Variants in FHOD1 observed in about 807,000 individuals in gnomAD.
FHOD1 encodes FH1/FH2 domain-containing protein 1.
A neutral mutation model predicts 111.6 loss-of-function variants in FHOD1; 89 were observed. That is an observed-to-expected ratio of 0.80 (90% confidence interval 0.67 to 0.95). The LOEUF (loss-of-function observed/expected upper bound fraction) is 0.95. Ranked by LOEUF, FHOD1 falls within the 40% of genes least tolerant of loss-of-function variation. The pLI is 0.00. For missense variants in FHOD1, 1,446 were observed against 1,554.2 expected, an observed-to-expected ratio of 0.93 and a Z score of 1.17; for synonymous variants, 618 against 639.0, an observed-to-expected ratio of 0.97 and a Z score of 0.50.
At chr16:67,246,538 C>T (rs1181098554) in intron 1 of FHOD1, among the ~76,000 whole-genome samples, 1 of 152,126 alleles carries the variant, frequency 6.6e-6, no homozygotes, top group Non-Finnish European at 1.5e-5. Context: ...CCCTCCCTCT[C>T]ACTTTCAGGC....
rs1047612437 is a variant in FHOD1 at position 67,229,500 on chromosome 16, A to G, written c.*136T>C. ...TACACACACACTCACATGCATACAC[A>G]CACGGCTAATACTGCTCAAGGCATG... On this transcript the variant is annotated 3_prime_UTR_variant, in exon 22 of 22. Coordinates refer to ENST00000258201, the MANE Select transcript of FHOD1 (RefSeq NM_013241.3). 4.0e-6 allele frequency: 3 copies of G among 753,030 alleles called. No individual in the cohort carries two copies. The African/African-American group carries it at 5.2e-5, about 13-fold the overall frequency. 46.6% of individuals were successfully genotyped at this position (753,030 alleles called of 1,614,324 possible). A position where few individuals can be genotyped will look rare whatever the true frequency, so the allele number is the denominator to read the frequency against.
At position 67,247,362 on chromosome 16, in the gene FHOD1, T is replaced by C. The variant is rs768513270; in HGVS notation, c.49A>G (p.Thr17Ala). Reference sequence around the variant, plus strand: ...TCTTCCAGGTACTGCACCCTCACGGTCACCACTGATACCGGCTCTCCGTCC... The same window carrying C: ...TCTTCCAGGTACTGCACCCTCACGGCCACCACTGATACCGGCTCTCCGTCC... Reference protein sequence around the residue: ...RGDGEPVSVVTVRVQYLEDTD... With the variant: ...RGDGEPVSVVAVRVQYLEDTD... The change falls in exon 1 of 22, where the codon ACC becomes GCC. Residue 17 changes from threonine (T) to alanine (A), a missense_variant. This residue lies in a region of FHOD1 where 127 missense variants were observed against 118.0 expected (regional missense o/e 1.08). Coordinates refer to ENST00000258201, the MANE Select transcript of FHOD1 (RefSeq NM_013241.3). 2 of 1,613,538 alleles carry C rather than the reference T, an allele frequency of 1.2e-6. No individual in the cohort carries two copies. The highest frequency in any genetic ancestry group is 2.2e-5 in the East Asian group (1 of 44,852).
In FHOD1 at chr16:67,241,745, C is replaced by A. The variant is rs758902390; in HGVS notation, c.202-2291G>T. On this transcript the variant is annotated intron_variant, in intron 1 of 21. Transcript: ENST00000258201. ...AGGGGCAGAGTGCTATAAAGATAAA[C>A]GGGAAGGGAAAACATGTTACACCTG... is the stretch of plus-strand genomic sequence containing the variant. Among the ~76,000 whole-genome samples the A allele has an allele frequency of 2.6e-5, 4 of 152,268 alleles. 1 individual carries two copies. The highest frequency in any genetic ancestry group is 2.6e-4 in the Admixed American group (4 of 15,292).
chr16:67,235,529 CA>C (rs539631946), intron 11 of FHOD1, among the ~76,000 whole-genome samples: 81 of 71,622 alleles, frequency 1.1e-3, no homozygotes, highest in Admixed American at 1.8e-3. Context: ...GACTCTGTCT[CA>C]AAAAAAAAAA....
chr16:67,240,929 G>A (rs1426715777), intron 1 of FHOD1, among the ~76,000 whole-genome samples: 2 of 152,178 alleles, frequency 1.3e-5, no homozygotes, highest in African/African-American at 4.8e-5. Context: ...CATTTGTCCT[G>A]CTGTTTGGTC....
rs1424443555 is a variant in FHOD1 at position 67,231,891 on chromosome 16, C to T, written c.2203-72G>A. On this transcript the variant is annotated intron_variant, in intron 14 of 21. Transcript: ENST00000258201. The surrounding 1 kb of genome is among the most constrained non-coding windows in gnomAD (Gnocchi z 4.3). Reference sequence around the variant, plus strand: ...GAGGCCTGAGGCATTGGTCTTGACCCCTCAGTCATCTAGGGGAGGCCCCAG... The same window carrying T: ...GAGGCCTGAGGCATTGGTCTTGACCTCTCAGTCATCTAGGGGAGGCCCCAG... 1.9e-6 allele frequency: 3 copies of T among 1,555,066 alleles called. No individual in the cohort carries two copies. The highest frequency in any genetic ancestry group is 1.4e-5 in the African/African-American group (1 of 73,294).
chr16:67,246,314 T>C (rs1353809191), intron 1 of FHOD1, among the ~76,000 whole-genome samples: 1 of 152,004 alleles, frequency 6.6e-6, no homozygotes, highest in Non-Finnish European at 1.5e-5. Context: ...GCCGGGCTGG[T>C]GGGGAGCTTG....
rs2034577277 is a variant in FHOD1 at position 67,238,526 on chromosome 16, C to T, written c.374-79G>A. 2.3e-6 allele frequency: 3 copies of T among 1,302,508 alleles called. No homozygotes were observed. The highest frequency in any genetic ancestry group is 3.3e-6 in the Non-Finnish European group (3 of 915,366). The allele number at this position is 1,302,508 out of a possible 1,614,324, so 80.7% of individuals were successfully genotyped here. A position where few individuals can be genotyped will look rare whatever the true frequency, so the allele number is the denominator to read the frequency against. On this transcript the variant is annotated intron_variant, in intron 3 of 21. Coordinates refer to ENST00000258201, the MANE Select transcript of FHOD1 (RefSeq NM_013241.3). This position sits in a 1 kb window ranked among gnomAD's most constrained non-coding sequence, Gnocchi z 4.2. ...CTGCTTGGATACAACCACAACTCTC[C>T]ACCAAAGAATAGTCTAATATATATG...
rs2034482709 is a variant in FHOD1 at position 67,236,547 on chromosome 16, C to T, written c.1319+10G>A. ...GAGGACTCCAGGGTGGCCTCTGTCTCCCTACTTACTTGTAGATGCTCCTCT... is the reference window on the plus strand; with the variant it reads ...GAGGACTCCAGGGTGGCCTCTGTCTTCCTACTTACTTGTAGATGCTCCTCT... On this transcript the variant is annotated intron_variant, in intron 11 of 21. Coordinates refer to ENST00000258201, the MANE Select transcript of FHOD1 (RefSeq NM_013241.3). 6.2e-7 allele frequency: 1 copy of T among 1,610,864 alleles called. No homozygotes were observed. Among genetic ancestry groups the T allele is most frequent in the Non-Finnish European group, 8.5e-7 (1 of 1,178,646 alleles).
At position 67,238,434 on chromosome 16, in the gene FHOD1, G is replaced by A; in HGVS notation, c.387C>T (p.Ser129=). 6.2e-7 allele frequency: 1 copy of A among 1,613,922 alleles called. No homozygotes were observed. Among genetic ancestry groups the A allele is most frequent in the Non-Finnish European group, 8.5e-7 (1 of 1,179,920 alleles). The part of the protein sequence containing the change: ...RVNAILEKLY[S]SSGPELRRSL... ...AGCGGCGGAGCTCAGGACCACTGGAGCTATACAGCTTTTCTGCAAAAGGTA... is the reference window on the plus strand; with the variant it reads ...AGCGGCGGAGCTCAGGACCACTGGAACTATACAGCTTTTCTGCAAAAGGTA... The change falls in exon 4 of 22, where the codon AGC becomes AGT. Residue 129 remains serine (S), a synonymous_variant. Coordinates refer to ENST00000258201, the MANE Select transcript of FHOD1 (RefSeq NM_013241.3). This position sits in a 1 kb window ranked among gnomAD's most constrained non-coding sequence, Gnocchi z 4.2.
chr16:67,237,021 T>C lies in FHOD1; in HGVS notation c.1087A>G (p.Arg363Gly), dbSNP rs1355976618. The stretch of plus-strand genomic sequence containing the variant: ...CCGCCTTCCAGAGAACGGCGGCTCC[T>C]CTTGCCCTCCTCAGAAGAAGGCTTT... ...RRKPSSEEGK[R>G]SRRSLEGGGC... The change falls in exon 10 of 22, where the codon AGG (arginine) becomes GGG (glycine). Residue 363 changes from arginine to glycine, a missense_variant. Transcript: ENST00000258201. This position sits in a 1 kb window ranked among gnomAD's most constrained non-coding sequence, Gnocchi z 5.6. 1 of 1,612,668 alleles carries C rather than the reference T, an allele frequency of 6.2e-7. No individual in the cohort carries two copies. Among genetic ancestry groups the C allele is most frequent in the Non-Finnish European group, 8.5e-7 (1 of 1,179,552 alleles).
intron 1 of FHOD1, among the ~76,000 whole-genome samples, chr16:67,240,591 C>T (rs1415444496): frequency 1.3e-5 from 2 of 152,222 alleles, no homozygotes; most frequent in South Asian, 4.1e-4. Context: ...ACCCCAAAGC[C>T]TGCCTTTGTA....
intron 11 of FHOD1, 94 bp from the exon 12 acceptor site, chr16:67,234,566 G>T: frequency 9.5e-7 from 1 of 1,051,370 alleles, no homozygotes; most frequent in Non-Finnish European, 1.4e-6. Context: ...CCCAATTGCA[G>T]GCACGCACAG....
Position 67,237,620 on chromosome 16 carries a change from C to A in FHOD1, c.754+37G>T, listed in dbSNP as rs373646838. On this transcript the variant is annotated intron_variant, in intron 7 of 21. Transcript: ENST00000258201. This position sits in a 1 kb window ranked among gnomAD's most constrained non-coding sequence, Gnocchi z 5.6. ...ATGGGGGAACAGGTAGGAGAGAGGGCTCTGAGCGGTGGGGGGAGAAAGGGA... is the reference window on the plus strand; with the variant it reads ...ATGGGGGAACAGGTAGGAGAGAGGGATCTGAGCGGTGGGGGGAGAAAGGGA... The A allele has an allele frequency of 9.9e-5, 160 of 1,613,296 alleles. No individual in the cohort carries two copies. The African/African-American group carries it at 1.7e-3, about 17-fold the overall frequency.
In FHOD1 at chr16:67,234,348, C is replaced by T. The variant is rs1272152051; in HGVS notation, c.1435+9G>A. The stretch of plus-strand genomic sequence containing the variant: ...CAGGCAGGCTCTGCCTGCTCACCCA[C>T]CTACTCACCTGGGTGTCCACCCGCC... On this transcript the variant is annotated intron_variant, in intron 12 of 21. Transcript: ENST00000258201. The T allele has an allele frequency of 6.2e-7, 1 of 1,609,016 alleles. No individual in the cohort carries two copies. The highest frequency in any genetic ancestry group is 8.5e-7 in the Non-Finnish European group (1 of 1,178,380).
In FHOD1 at chr16:67,230,696, C is replaced by A; in HGVS notation, c.2763G>T (p.Leu921=). ...ESLRSLAKHE[L]APALRARLTH... ...TGAGGCGGGCACGCAGGGCTGGGGCCAGCTCATGCTTGGCCAAGCTCCGCA... is the reference window on the plus strand; with the variant it reads ...TGAGGCGGGCACGCAGGGCTGGGGCAAGCTCATGCTTGGCCAAGCTCCGCA... The change falls in exon 18 of 22, where the codon CTG becomes CTT. Residue 921 remains leucine, a synonymous_variant. Transcript: ENST00000258201. 6.2e-7 allele frequency: 1 copy of A among 1,613,926 alleles called. No individual in the cohort carries two copies. Among genetic ancestry groups the A allele is most frequent in the Non-Finnish European group, 8.5e-7 (1 of 1,179,988 alleles).
chr16:67,234,435 C>CT lies in FHOD1; in HGVS notation c.1356dup (p.Glu453ArgfsTer21). On this transcript the variant is annotated frameshift_variant, in exon 12 of 22. Transcript: ENST00000258201. LOFTEE classifies it high-confidence loss of function. ...CCCTGGGCCAGCGCAACCTGCTTCTCTGTTTCTGCTGCCGCCACATTCTCC... is the reference window on the plus strand; with the variant it reads ...CCCTGGGCCAGCGCAACCTGCTTCTCTTGTTTCTGCTGCCGCCACATTCTCC... 1 of 1,606,404 alleles carries CT rather than the reference C, an allele frequency of 6.2e-7. No homozygotes were observed. Among genetic ancestry groups the CT allele is most frequent in the South Asian group, 1.1e-5 (1 of 90,476 alleles).
intron 1 of FHOD1, among the ~76,000 whole-genome samples, chr16:67,245,661 C>A (rs1431974850): frequency 3.9e-5 from 6 of 151,938 alleles, no homozygotes; most frequent in African/African-American, 1.2e-4. Context: ...ACGAGAATTG[C>A]TAGAACCCGG....
At chr16:67,239,739 C>T (rs1043338809) in intron 1 of FHOD1, among the ~76,000 whole-genome samples, 2 of 152,208 alleles carry the variant, frequency 1.3e-5, no homozygotes, top group African/African-American at 4.8e-5. Context: ...TGTGTGTATG[C>T]TCCCTTTCGA....
Sources: gnomAD v4.1 joint callset for allele counts (sites outside exome capture counted in the v4.1 genomes callset) on GRCh38, gnomAD v4.1.1 for gene constraint, gnomAD v4.1.1 regional missense constraint, Gnocchi (gnomAD v3.1) non-coding constraint, MANE v1.5 for transcripts, NCBI Gene and HGNC (gene_info 2026-07-23, HGNC 2026-07-21) for gene names.